IGSF11: variants seen among roughly 807,000 people sequenced by gnomAD.
IGSF11 encodes the protein immunoglobulin superfamily member 11.
A neutral mutation model predicts 41.0 loss-of-function variants in IGSF11; 22 were observed. The ratio of observed to expected loss-of-function variants is 0.54; its 90% CI spans 0.38 to 0.77. IGSF11 has a LOEUF of 0.77. IGSF11 is among the 30% of genes least tolerant of loss of function. The pLI is 0.00. For synonymous variants in IGSF11, 219 were observed against 201.3 expected (o/e 1.09, Z -0.74); for missense variants, 444 against 530.8 (o/e 0.84, Z 1.61).
intron 1 of IGSF11, among the ~76,000 whole-genome samples, chr3:119,027,434 CGAAAGCAGACAGGA>C (rs1379594286): frequency 2.0e-5 from 3 of 152,052 alleles, no homozygotes; most frequent in Non-Finnish European, 2.9e-5. Flanking sequence ...AAATGAGATG[CGAAAGCAGACAGGA>C]GAAAGCAGAC....
chr3:119,078,717 G>A (rs1421729980), intron 1 of IGSF11, among the ~76,000 whole-genome samples: 1 of 152,030 alleles, frequency 6.6e-6, no homozygotes, highest in African/African-American at 2.4e-5. Flanking sequence ...TTGAAAAATG[G>A]GACCTAACAA....
intron 4 of IGSF11, among the ~76,000 whole-genome samples, chr3:118,921,375 A>G (rs539275766): frequency 3.1e-4 from 47 of 152,330 alleles, no homozygotes; most frequent in Admixed American, 6.5e-4. Context: ...GATAAAATCA[A>G]AATCTGAGTT....
At position 119,054,866 on chromosome 3, in the gene IGSF11, G is replaced by A. The variant is rs140910444; in HGVS notation, c.49+50278C>T. On this transcript the variant is annotated intron_variant, in intron 1 of 6. Transcript: ENST00000354673. ...AGCACACAGCTTGAGATCTGAGAAC[G>A]GGCAGACTGCCTCCTCAAGTGGGTC... Among the ~76,000 whole-genome samples the A allele has an allele frequency of 7.6e-3, 1,154 of 152,062 alleles. 9 individuals are homozygous for A. The highest frequency in any genetic ancestry group is 0.014 in the Middle Eastern group (4 of 294).
intron 1 of IGSF11, chr3:118,948,395 T>C (rs1282702333): frequency 6.6e-6 from 1 of 152,058 alleles, no homozygotes; most frequent in South Asian, 2.1e-4. Context: ...CTGAAAGAAG[T>C]GGATACGAAA....
At chr3:119,060,601 T>C (rs552669263) in intron 1 of IGSF11, among the ~76,000 whole-genome samples, 1 of 152,306 alleles carries the variant, frequency 6.6e-6, no homozygotes, top group Non-Finnish European at 1.5e-5. Flanking sequence ...TTTTACTTCA[T>C]TTTTCCAGAT....
At chr3:119,124,535 A>C (rs2077377095) in intron 1 of IGSF11, among the ~76,000 whole-genome samples, 1 of 151,290 alleles carries the variant, frequency 6.6e-6, no homozygotes, top group Non-Finnish European at 1.5e-5. Context: ...CATGGTCATC[A>C]GAGTCTTTTA....
Position 119,067,619 on chromosome 3 carries a change from G to A in IGSF11, c.49+37525C>T, listed in dbSNP as rs78684460. Among the ~76,000 whole-genome samples, 160 of 152,038 alleles carry A rather than the reference G, an allele frequency of 1.1e-3. 2 individuals are homozygous for A. In the East Asian group the frequency reaches 0.02, roughly 19 times the overall value. On this transcript the variant is annotated intron_variant, in intron 1 of 6. Transcript: ENST00000354673. ...AATACCAAAACTTGACTAACGTACT[G>A]TGGGGAAAAAACTTTAGATTTTTTT...
At chr3:119,087,512 G>A (rs1044759312) in intron 1 of IGSF11, among the ~76,000 whole-genome samples, 1 of 151,990 alleles carries the variant, frequency 6.6e-6, no homozygotes, top group Non-Finnish European at 1.5e-5. Context: ...TTTAAGTGAA[G>A]TAACTCAGGA....
chr3:119,047,597 A>G (rs929404319), intron 1 of IGSF11, among the ~76,000 whole-genome samples: 4 of 152,188 alleles, frequency 2.6e-5, no homozygotes, highest in African/African-American at 7.2e-5. Flanking sequence ...ATGAGACAGA[A>G]AGTCAACAAG....
intron 1 of IGSF11, among the ~76,000 whole-genome samples, chr3:119,056,804 A>G (rs964701724): frequency 1.3e-5 from 2 of 152,372 alleles, no homozygotes; most frequent in Non-Finnish European, 1.5e-5. Context: ...CCTGGGATGC[A>G]AGGCTGGTTC....
intron 1 of IGSF11, among the ~76,000 whole-genome samples, chr3:118,953,132 G>A (rs1419066907): frequency 6.6e-6 from 1 of 152,074 alleles, no homozygotes; most frequent in African/African-American, 2.4e-5. Context: ...TCCCGCCTGT[G>A]AGTGAGAACA....
upstream of IGSF11, among the ~76,000 whole-genome samples, chr3:119,110,198 T>A (rs1340847529): frequency 6.6e-6 from 1 of 152,172 alleles, no homozygotes; most frequent in African/African-American, 2.4e-5. Context: ...GGTGTTAAAG[T>A]CTCCCATTAT....
intron 1 of IGSF11, among the ~76,000 whole-genome samples, chr3:119,124,417 C>A (rs2077374571): frequency 6.6e-6 from 1 of 151,144 alleles, no homozygotes; most frequent in Non-Finnish European, 1.5e-5. Context: ...CAGGTGCCTG[C>A]CACCATGCCT....
chr3:118,920,158 C>T (rs2107512689), intron 4 of IGSF11, among the ~76,000 whole-genome samples: 1 of 145,486 alleles, frequency 6.9e-6, no homozygotes, highest in Non-Finnish European at 1.5e-5. Context: ...ATACCTAAGG[C>T]TAGATGACGA....
chr3:118,990,754 G>A (rs1167375157), intron 1 of IGSF11, among the ~76,000 whole-genome samples: 2 of 152,106 alleles, frequency 1.3e-5, no homozygotes, highest in African/African-American at 4.8e-5. Context: ...CCACCTAGAA[G>A]TTAGTTCTGG....
intron 1 of IGSF11, among the ~76,000 whole-genome samples, chr3:119,098,848 T>G (rs2076896790): frequency 6.6e-6 from 1 of 152,230 alleles, no homozygotes; most frequent in Non-Finnish European, 1.5e-5. Context: ...ACAAAGGTGA[T>G]GTCCTCAATT....
intron 1 of IGSF11, among the ~76,000 whole-genome samples, chr3:119,006,340 T>C (rs1311165463): frequency 1.2e-5 from 1 of 85,318 alleles, no homozygotes; most frequent in African/African-American, 8.9e-5. Flanking sequence ...CTTCTCTGTA[T>C]TGGTTATTCT....
intron 1 of IGSF11, among the ~76,000 whole-genome samples, chr3:119,085,191 G>A (rs2076651028): frequency 6.6e-6 from 1 of 152,236 alleles, no homozygotes; most frequent in Admixed American, 6.5e-5. Flanking sequence ...AGGTGCAAAT[G>A]TGAGGATACA....
At chr3:119,060,031 T>C (rs1942004275) in intron 1 of IGSF11, among the ~76,000 whole-genome samples, 1 of 152,172 alleles carries the variant, frequency 6.6e-6, no homozygotes, top group Non-Finnish European at 1.5e-5. Context: ...AGCTGTCCAG[T>C]GAGTCCCCAC....
Sources: allele counts gnomAD v4.1 joint callset (sites outside exome capture counted in the v4.1 genomes callset), GRCh38; gene constraint gnomAD v4.1.1; transcripts MANE v1.5; gene names NCBI Gene and HGNC (gene_info 2026-07-23, HGNC 2026-07-21).